The following UBAP2 variants were observed in gnomAD, a reference collection of about 807,000 sequenced individuals.
The protein encoded by UBAP2 is ubiquitin-associated protein 2.
A neutral mutation model predicts 139.6 loss-of-function variants in UBAP2; 75 were observed. The ratio of observed to expected loss-of-function variants is 0.54; its 90% confidence interval spans 0.45 to 0.65. The LOEUF is 0.65. Ranked by LOEUF, UBAP2 falls within the 30% of genes least tolerant of loss-of-function variation. UBAP2 has a pLI of 0.00. For synonymous variants in UBAP2, 526 were observed against 526.2 expected, an observed-to-expected ratio of 1.00 and a Z score of 0.01; for missense variants, 1,368 against 1,369.6, an observed-to-expected ratio of 1.00 and a Z score of 0.02.
rs1205195240 is a variant in UBAP2, at chr9:33,941,838, T to C, written c.1740A>G (p.Ser580=). 5.6e-6 allele frequency: 9 copies of C among 1,613,828 alleles called. No individual in the cohort carries two copies. The highest frequency in any genetic ancestry group is 7.6e-6 in the Non-Finnish European group (9 of 1,179,912). ...SLSEPLNTSL[S]MTSAVQNSTY... ...TGGAGTTCTGTACTGCACTGGTCAT[T>C]GATAAAGATGTATTCAAAGGCTCAC... is the stretch of plus-strand genomic sequence containing the variant. The change falls in exon 16 of 29, where the codon TCA becomes TCG. Residue 580 remains serine, a synonymous_variant. Coordinates refer to ENST00000379238, the MANE Select transcript of UBAP2 (RefSeq NM_001370062.2).
At chr9:33,974,847 G>A (rs745699196) in intron 6 of UBAP2, among the ~76,000 whole-genome samples, 2 of 149,742 alleles carry the variant, frequency 1.3e-5, no homozygotes, top group Non-Finnish European at 3.0e-5. Flanking sequence ...GGCTGAGGCA[G>A]GAGAATCGCT....
At chr9:33,927,644 G>A (rs569820720) in intron 20 of UBAP2, among the ~76,000 whole-genome samples, 153 bp downstream of exon 20, 4 of 152,228 alleles carry the variant, frequency 2.6e-5, no homozygotes, top group Admixed American at 2.6e-4. Flanking sequence ...ATCCCCATCA[G>A]GGGTGGGGAG....
chr9:34,032,732 T>C (rs1017534286), intron 1 of UBAP2, among the ~76,000 whole-genome samples: 1 of 152,088 alleles, frequency 6.6e-6, no homozygotes, highest in African/African-American at 2.4e-5. Context: ...GAGATCAGCC[T>C]GGCCAACATG....
At position 33,963,763 on chromosome 9, in the gene UBAP2, A is replaced by G; in HGVS notation, c.708T>C (p.Ala236=). The G allele has an allele frequency of 1.9e-6, 3 of 1,612,792 alleles. No individual in the cohort carries two copies. The highest frequency in any genetic ancestry group is 1.3e-5 in the African/African-American group (1 of 75,014). Residue 236 remains alanine, a synonymous_variant, in exon 9 of 29, where the codon GCT becomes GCC. Coordinates refer to ENST00000379238, the MANE Select transcript of UBAP2 (RefSeq NM_001370062.2). ...AAGAACTTTTGTTTGACAGATCCTG[A>G]GCTATGTTGTGAGTATTTGATGCCA... The part of the protein sequence containing the change: ...TELASNTHNI[A]QDLSNKSSYG...
chr9:33,957,557 A>G (rs561194357), intron 10 of UBAP2, among the ~76,000 whole-genome samples: 53 of 152,320 alleles, frequency 3.5e-4, no homozygotes, highest in African/African-American at 1.3e-3. Context: ...TTATTTTGGG[A>G]TATATGCACA....
Position 33,953,050 on chromosome 9 carries a change from G to T in UBAP2, c.1056+235C>A, listed in dbSNP as rs1014046615. On this transcript the variant is annotated intron_variant, in intron 12 of 28. Transcript: ENST00000379238. ...ACACTCAGCTAATTTTTGTTAGTTT[G>T]CTTTTTTCGTAGAGACAGAGTTTTG... 1.2e-4 allele frequency among the ~76,000 whole-genome samples: 19 copies of T among 152,016 alleles called. 1 individual carries two copies. The highest frequency in any genetic ancestry group is 4.6e-4 in the African/African-American group (19 of 41,352).
chr9:34,037,721 T>C (rs979551451), intron 1 of UBAP2, among the ~76,000 whole-genome samples: 3 of 152,212 alleles, frequency 2.0e-5, no homozygotes, highest in Non-Finnish European at 4.4e-5. Flanking sequence ...AAAATAATCA[T>C]CTGAGAAAAG....
In UBAP2 at chr9:33,933,526, C is replaced by G. The variant is rs759728568; in HGVS notation, c.2072G>C (p.Gly691Ala). 8.1e-6 allele frequency: 13 copies of G among 1,613,916 alleles called. No homozygotes were observed. In the South Asian group the frequency reaches 1.4e-4, roughly 18 times the overall value. Residue 691 changes from glycine to alanine, a missense_variant, in exon 18 of 29, where the codon GGC (glycine) becomes GCC (alanine). By Grantham distance (60) the Gly-to-Ala change is moderately conservative. Coordinates refer to ENST00000379238, the MANE Select transcript of UBAP2 (RefSeq NM_001370062.2). ...AGAGAGAGGGCTGCTAGTCAGGTCG[C>G]CAGTGTGCTGGGATGTGGACGGCAG... is the stretch of plus-strand genomic sequence containing the variant. ...ALLPSTSQHT[G>A]DLTSSPLSQL...
At chr9:33,927,398 A>C (rs578210416) in intron 20 of UBAP2, among the ~76,000 whole-genome samples, 14 of 152,322 alleles carry the variant, frequency 9.2e-5, no homozygotes, top group African/African-American at 3.4e-4. Context: ...GAGGGCAAGG[A>C]AGCCATGCAG....
chr9:33,955,834 GAAA>G (rs34598165), intron 11 of UBAP2, among the ~76,000 whole-genome samples: 2 of 75,058 alleles, frequency 2.7e-5, no homozygotes, highest in Admixed American at 1.4e-4. Context: ...TCTCAAAATA[GAAA>G]AAAAAAAAAA....
chr9:33,926,851 T>C (rs564808432), intron 21 of UBAP2, 138 bp downstream of exon 21: 3 of 989,496 alleles, frequency 3.0e-6, no homozygotes, highest in East Asian at 5.0e-5. Context: ...CAGGGCTCAG[T>C]GGGGCAGAGA....
intron 11 of UBAP2, among the ~76,000 whole-genome samples, chr9:33,953,950 A>C (rs1826318454): frequency 6.6e-6 from 1 of 152,020 alleles, no homozygotes; most frequent in African/African-American, 2.4e-5. Flanking sequence ...TCTCTTACCA[A>C]GGCTGGAATG....
At chr9:33,955,396 G>A (rs1182443645) in intron 11 of UBAP2, among the ~76,000 whole-genome samples, 3 of 152,022 alleles carry the variant, frequency 2.0e-5, no homozygotes, top group African/African-American at 4.8e-5. Context: ...GCAGGCGCCT[G>A]TAGTCCCAGC....
intron 13 of UBAP2, among the ~76,000 whole-genome samples, 175 bp from the exon 14 acceptor site, chr9:33,944,814 TG>T (rs1219312547): frequency 6.6e-6 from 1 of 152,188 alleles, no homozygotes; most frequent in Non-Finnish European, 1.5e-5. Context: ...AGTTCCTAAA[TG>T]GGTACACACC....
At chr9:33,971,866 T>C in intron 7 of UBAP2, 112 bp from the exon 8 acceptor site, 1 of 649,012 alleles carries the variant, frequency 1.5e-6, no homozygotes, top group East Asian at 2.6e-5. Flanking sequence ...TCACAGCCAC[T>C]GTAAAAGACA....
intron 6 of UBAP2, 104 bp downstream of exon 6, chr9:33,986,656 A>G (rs1404598058): frequency 1.4e-5 from 13 of 935,024 alleles, no homozygotes; most frequent in Non-Finnish European, 2.1e-5. Flanking sequence ...ATGACCTGCT[A>G]TTCTTTCAGA....
intron 16 of UBAP2, 127 bp from the exon 17 acceptor site, chr9:33,936,005 A>G: frequency 9.5e-7 from 1 of 1,049,878 alleles, no homozygotes. Context: ...CTATTTTTTA[A>G]TAAAGGGAAG....
intron 19 of UBAP2, among the ~76,000 whole-genome samples, chr9:33,930,259 C>CT: frequency 6.6e-6 from 1 of 152,272 alleles, no homozygotes; most frequent in Non-Finnish European, 1.5e-5. Flanking sequence ...GCGGGGCAAT[C>CT]TGCAAATGTG....
chr9:34,047,998 G>A (rs1409808158), intron 1 of UBAP2, among the ~76,000 whole-genome samples: 1 of 152,114 alleles, frequency 6.6e-6, no homozygotes, highest in African/African-American at 2.4e-5. Context: ...TAATAATGAT[G>A]GGATCAACCC....
Sources: gnomAD v4.1 joint callset for allele counts (sites outside exome capture counted in the v4.1 genomes callset) on GRCh38, gnomAD v4.1.1 for gene constraint, MANE v1.5 for transcripts, NCBI Gene and HGNC (gene_info 2026-07-23, HGNC 2026-07-21) for gene names.